Variants in SLC41A3 observed in about 807,000 individuals in gnomAD.
SLC41A3 encodes the protein solute carrier family 41 member 3, also known as SLC41A1-like 2.
A neutral mutation model predicts 45.4 loss-of-function variants in SLC41A3; 44 were observed. That is an observed-to-expected ratio of 0.97 (90% CI 0.76 to 1.25). The LOEUF is 1.25. Among genes scored for constraint, SLC41A3 ranks in the 50% most tolerant of loss-of-function variants. The probability of loss-of-function intolerance (pLI) is 0.00; values close to 1 mark genes in which losing one functional copy is unlikely to be tolerated. For synonymous variants in SLC41A3, 256 were observed against 252.4 expected (o/e 1.01, Z -0.13); for missense variants, 550 against 600.6 (o/e 0.92, Z 0.88).
chr3:126,044,895 C>CAAAAAAAAAAAA lies in SLC41A3; in HGVS notation c.381+6036_381+6047dup, dbSNP rs57581225. On this transcript the variant is annotated intron_variant, in intron 3 of 10. Coordinates refer to ENST00000360370, the MANE Select transcript of SLC41A3 (RefSeq NM_017836.4). The stretch of plus-strand genomic sequence containing the variant: ...TGGGCGACAGAGCGAGACTCCATCT[C>CAAAAAAAAAAAA]AAAAAAAAAAAAAAAAAAAAAAAAA... Among the ~76,000 whole-genome samples the CAAAAAAAAAAAA allele has an allele frequency of 1.3e-3, 111 of 82,716 alleles. 22 individuals are homozygous for CAAAAAAAAAAAA. Among genetic ancestry groups the CAAAAAAAAAAAA allele is most frequent in the Non-Finnish European group, 1.6e-3 (70 of 45,150 alleles). The allele number at this position is 82,716 out of a possible 152,430, so 54.3% of individuals were successfully genotyped here. A position where few individuals can be genotyped will look rare whatever the true frequency, so the allele number is the denominator to read the frequency against.
intron 4 of SLC41A3, among the ~76,000 whole-genome samples, chr3:126,033,308 G>T (rs530284939): frequency 1.1e-3 from 90 of 79,178 alleles, no homozygotes; most frequent in African/African-American, 4.2e-3. Flanking sequence ...AAGCCTGTTA[G>T]CACTGTGCAG....
At chr3:126,063,283 A>C (rs1251929471) in intron 2 of SLC41A3, among the ~76,000 whole-genome samples, 3 of 151,750 alleles carry the variant, frequency 2.0e-5, no homozygotes, top group Non-Finnish European at 4.4e-5. Context: ...GCCAGACGCC[A>C]TGGTGCCAGA....
intron 1 of SLC41A3, among the ~76,000 whole-genome samples, chr3:126,096,159 G>T (rs1945595703): frequency 6.6e-6 from 1 of 152,190 alleles, no homozygotes; most frequent in African/African-American, 2.4e-5. Context: ...GTGCTTGAAG[G>T]AGCTGCAGAC....
At position 126,015,526 on chromosome 3, in the gene SLC41A3, TTGTACTGC is replaced by T; in HGVS notation, c.930_937del (p.Gln311ArgfsTer128). 6.2e-7 allele frequency: 1 copy of T among 1,614,216 alleles called. No individual in the cohort carries two copies. Among genetic ancestry groups the T allele is most frequent in the Non-Finnish European group, 8.5e-7 (1 of 1,180,036 alleles). ...GACGGGGGTAAATATCGCCATGCCT[TTGTACTGC>T]TGTTTAGAAACGGTTTTGCTCAAGA... On this transcript the variant is annotated frameshift_variant, in exon 8 of 11. Transcript: ENST00000360370. LOFTEE classifies it high-confidence loss of function.
Position 126,006,997 on chromosome 3 carries a change from T to C in SLC41A3, c.*19A>G. The stretch of plus-strand genomic sequence containing the variant: ...GTGAGAGGAAATTCTAATGAGCAAA[T>C]GGGACCAGCGGGGCCCAGTTAGGGA... On this transcript the variant is annotated 3_prime_UTR_variant, in exon 11 of 11. Coordinates refer to ENST00000360370, the MANE Select transcript of SLC41A3 (RefSeq NM_017836.4). 4 of 1,614,016 alleles carry C rather than the reference T, an allele frequency of 2.5e-6. No homozygotes were observed. In the South Asian group the frequency reaches 4.4e-5, roughly 18 times the overall value.
chr3:126,085,530 A>G (rs1031077325), upstream of SLC41A3: 1 of 152,172 alleles, frequency 6.6e-6, no homozygotes, highest in African/African-American at 2.4e-5. Flanking sequence ...TGAGCCCCAG[A>G]TCGCCCTTTG....
intron 3 of SLC41A3, among the ~76,000 whole-genome samples, chr3:126,035,852 G>C (rs1942151038): frequency 6.6e-6 from 1 of 152,192 alleles, no homozygotes; most frequent in African/African-American, 2.4e-5. Flanking sequence ...GGCTCTCGGG[G>C]GAGCAGGTCT....
Position 126,006,815 on chromosome 3 carries a change from C to G in SLC41A3, c.*201G>C. 1 of 1,447,204 alleles carries G rather than the reference C, an allele frequency of 6.9e-7. No homozygotes were observed. Among genetic ancestry groups the G allele is most frequent in the South Asian group, 1.5e-5 (1 of 67,748 alleles). The allele number at this position is 1,447,204 out of a possible 1,614,324, so 89.6% of individuals were successfully genotyped here. ...CATATTCACACACTCAAGCCATGCT[C>G]TTGATTTCAGGGCTCTATTGCAGGC... is the stretch of plus-strand genomic sequence containing the variant. On this transcript the variant is annotated 3_prime_UTR_variant, in exon 11 of 11. Coordinates refer to ENST00000360370, the MANE Select transcript of SLC41A3 (RefSeq NM_017836.4).
intron 2 of SLC41A3, chr3:126,067,529 G>C (rs1160426328): frequency 2.4e-6 from 1 of 421,818 alleles, no homozygotes; most frequent in Non-Finnish European, 4.7e-6. Flanking sequence ...GCCAAGGAGA[G>C]GCCACAGGAG....
intron 6 of SLC41A3, among the ~76,000 whole-genome samples, chr3:126,021,551 G>A (rs1345169984): frequency 1.3e-5 from 2 of 152,144 alleles, no homozygotes; most frequent in Admixed American, 1.3e-4. Flanking sequence ...TTAGAGGGAC[G>A]GTTTTATGCC....
upstream of SLC41A3, among the ~76,000 whole-genome samples, chr3:126,087,467 A>G (rs1945414817): frequency 6.6e-6 from 1 of 152,086 alleles, no homozygotes. Context: ...GGTAATTTCC[A>G]ATTTAAAAAT....
intron 1 of SLC41A3, among the ~76,000 whole-genome samples, chr3:126,090,252 A>C (rs1393995196): frequency 6.6e-6 from 1 of 152,126 alleles, no homozygotes; most frequent in African/African-American, 2.4e-5. Flanking sequence ...AGTTCCAGCA[A>C]AGCCAACTTA....
intron 2 of SLC41A3, among the ~76,000 whole-genome samples, chr3:126,065,811 A>C (rs1385652961): frequency 6.6e-6 from 1 of 152,242 alleles, no homozygotes; most frequent in Non-Finnish European, 1.5e-5. Context: ...TGAAATGATC[A>C]ATTTCCTTAA....
intron 1 of SLC41A3, among the ~76,000 whole-genome samples, chr3:126,071,315 G>A (rs1330698520): frequency 6.6e-6 from 1 of 151,970 alleles, no homozygotes; most frequent in Non-Finnish European, 1.5e-5. Context: ...AGACAAAGAA[G>A]GATATTTGAT....
chr3:126,056,809 T>A (rs1943699184), intron 2 of SLC41A3: 8 of 1,298,076 alleles, frequency 6.2e-6, no homozygotes, highest in Non-Finnish European at 6.9e-6. Flanking sequence ...CTGCTGTCCC[T>A]CCCTGAAGGT....
intron 2 of SLC41A3, among the ~76,000 whole-genome samples, chr3:126,054,881 G>C (rs1943560496): frequency 6.6e-6 from 1 of 152,036 alleles, no homozygotes; most frequent in Non-Finnish European, 1.5e-5. Context: ...GAGGCTATTG[G>C]GGGAACAAGT....
chr3:126,022,799 G>C lies in SLC41A3; in HGVS notation c.732C>G (p.Phe244Leu), dbSNP rs1559820933. The change falls in exon 6 of 11, where the codon TTC becomes TTG. Residue 244 changes from phenylalanine to leucine, a missense_variant. Physicochemically the swap from Phe to Leu is conservative, Grantham distance 22. Transcript: ENST00000360370. ...GACACTCTTTACCTTTGTGTCTGTA[G>C]AAGAAGCTGCTAACCAAAGCCAGAA... Reference protein sequence around the residue: ...LSILALVSSFFYRHKDSRYLT... With the variant: ...LSILALVSSFLYRHKDSRYLT... 1 of 1,614,218 alleles carries C rather than the reference G, an allele frequency of 6.2e-7. No individual in the cohort carries two copies.
At chr3:126,065,309 T>TA (rs1408705899) in intron 2 of SLC41A3, among the ~76,000 whole-genome samples, 1 of 152,260 alleles carries the variant, frequency 6.6e-6, no homozygotes, top group Admixed American at 6.5e-5. Context: ...TTTAAGCTGT[T>TA]AAATTTGTGG....
At chr3:126,072,362 TA>T (rs3053149) in intron 1 of SLC41A3, among the ~76,000 whole-genome samples, 3 of 104,686 alleles carry the variant, frequency 2.9e-5, no homozygotes, top group African/African-American at 7.3e-5. Context: ...AAGAGAATTG[TA>T]AAAAAAAATA....
Sources: gnomAD v4.1 joint callset for allele counts (sites outside exome capture counted in the v4.1 genomes callset) on GRCh38, gnomAD v4.1.1 for gene constraint, MANE v1.5 for transcripts, NCBI Gene and HGNC (gene_info 2026-07-23, HGNC 2026-07-21) for gene names.